The following RAP1A variants were observed in gnomAD, a reference collection of about 807,000 sequenced individuals.
RAP1A encodes the protein ras-related protein Rap-1A.
A neutral mutation model predicts 26.4 loss-of-function variants in RAP1A; 6 were observed. That is an observed-to-expected ratio of 0.23 (90% CI 0.12 to 0.45). The LOEUF (loss-of-function observed/expected upper bound fraction) is 0.45, where lower values mean the gene tolerates loss of function less well. Among genes scored for constraint, RAP1A ranks in the 20% least tolerant of loss-of-function variants. RAP1A has a pLI of 0.99. For missense variants in RAP1A, 121 were observed against 217.2 expected (o/e 0.56, Z 2.78); for synonymous variants, 73 against 79.4 (o/e 0.92, Z 0.43).
intron 1 of RAP1A, among the ~76,000 whole-genome samples, chr1:111,641,136 T>G (rs1299005673): frequency 2.0e-5 from 3 of 152,258 alleles, no homozygotes. Context: ...TATGTACATA[T>G]ATGCATATAT....
At chr1:111,670,518 G>A (rs1039918912) in intron 1 of RAP1A, among the ~76,000 whole-genome samples, 2 of 151,962 alleles carry the variant, frequency 1.3e-5, no homozygotes, top group African/African-American at 4.8e-5. Flanking sequence ...AATTATTGAG[G>A]CAGGTATCCA....
chr1:111,712,325 A>G (rs1571581303), intron 7 of RAP1A, 106 bp from the exon 8 acceptor site: 1 of 152,394 alleles, frequency 6.6e-6, no homozygotes, highest in South Asian at 2.1e-4. Flanking sequence ...ATGATCAGCT[A>G]AAATCATTAT....
chr1:111,542,317 TA>T, exon 1 of RAP1A: 1 of 495,046 alleles, frequency 2.0e-6, no homozygotes, highest in Non-Finnish European at 4.0e-6. Flanking sequence ...GCAAAGAAGT[TA>T]AAAGAGAAGT....
At chr1:111,606,957 A>C (rs1658796861) in intron 1 of RAP1A, among the ~76,000 whole-genome samples, 1 of 152,224 alleles carries the variant, frequency 6.6e-6, no homozygotes, top group African/African-American at 2.4e-5. Context: ...ATTAGAGAAC[A>C]GTGAGGCCTT....
chr1:111,695,277 G>A, intron 2 of RAP1A, 64 bp from the exon 3 acceptor site: 1 of 1,207,952 alleles, frequency 8.3e-7, no homozygotes, highest in Non-Finnish European at 1.1e-6. Flanking sequence ...TAATTTGTAG[G>A]TTAAGTAACA....
At chr1:111,640,979 C>G (rs1379157626) in intron 1 of RAP1A, among the ~76,000 whole-genome samples, 3 of 151,968 alleles carry the variant, frequency 2.0e-5, no homozygotes, top group Non-Finnish European at 2.9e-5. Flanking sequence ...ACAAAAAACA[C>G]CACTATTTTT....
chr1:111,577,401 CAAAAAAA>C (rs56156855), intron 1 of RAP1A, among the ~76,000 whole-genome samples: 25 of 29,058 alleles, frequency 8.6e-4, no homozygotes, highest in South Asian at 7.5e-3. Flanking sequence ...GACTCCATCG[CAAAAAAA>C]AAAAAAAAAA....
At position 111,710,426 on chromosome 1, in the gene RAP1A, T is replaced by A. The variant is rs143060356; in HGVS notation, c.*29+1162T>A. 7.4e-3 allele frequency among the ~76,000 whole-genome samples: 1,127 copies of A among 152,374 alleles called. 4 individuals carry two copies. Among genetic ancestry groups the A allele is most frequent in the Middle Eastern group, 0.017 (5 of 294 alleles). On this transcript the variant is annotated intron_variant, in intron 7 of 7. Transcript: ENST00000369709. ...ATTTAAATCCCCTGAAGGTTTCTAC[T>A]TAATCAGTTCTATAAATAATACCAT...
intron 1 of RAP1A, among the ~76,000 whole-genome samples, chr1:111,571,899 T>G (rs549808193): frequency 6.6e-6 from 1 of 152,362 alleles, no homozygotes; most frequent in East Asian, 1.9e-4. Context: ...TTCGGGAGTT[T>G]TCCCAGATTT....
At chr1:111,651,602 G>A (rs758150317) in intron 1 of RAP1A, among the ~76,000 whole-genome samples, 6 of 150,924 alleles carry the variant, frequency 4.0e-5, no homozygotes, top group Non-Finnish European at 7.4e-5. Context: ...TTAGCCTCCC[G>A]AGTAGCTGGG....
intron 1 of RAP1A, among the ~76,000 whole-genome samples, chr1:111,632,504 G>A (rs993890894): frequency 2.7e-4 from 41 of 152,104 alleles, no homozygotes; most frequent in Non-Finnish European, 1.6e-4. Flanking sequence ...GGAAGTTGAC[G>A]TGCTAGACTG....
chr1:111,652,545 A>G (rs1660307863), intron 1 of RAP1A, among the ~76,000 whole-genome samples: 1 of 152,180 alleles, frequency 6.6e-6, no homozygotes, highest in African/African-American at 2.4e-5. Context: ...CACAAAGCAT[A>G]AAACATTTAC....
intron 4 of RAP1A, among the ~76,000 whole-genome samples, chr1:111,699,173 A>G (rs558989): frequency 0.13 from 20,008 of 151,076 alleles, 1,535 homozygotes; most frequent in East Asian, 0.21. Context: ...TCTCAAAATC[A>G]CTCCTTACAC....
At chr1:111,577,991 C>T (rs984531585) in intron 1 of RAP1A, among the ~76,000 whole-genome samples, 7 of 152,142 alleles carry the variant, frequency 4.6e-5, no homozygotes, top group African/African-American at 1.7e-4. Flanking sequence ...TAGAGGGAGA[C>T]AAGATGAGTC....
At chr1:111,682,504 C>T (rs572770070) in intron 1 of RAP1A, among the ~76,000 whole-genome samples, 1 of 113,766 alleles carries the variant, frequency 8.8e-6, no homozygotes, top group Admixed American at 9.0e-5. Context: ...AATGGAAAGC[C>T]AAAAAAAAAA....
chr1:111,693,263 A>G (rs1470788088), intron 2 of RAP1A, among the ~76,000 whole-genome samples: 1 of 152,208 alleles, frequency 6.6e-6, no homozygotes, highest in Non-Finnish European at 1.5e-5. Context: ...GTTGAAGATT[A>G]AATGAGAGCT....
intron 7 of RAP1A, 85 bp downstream of exon 7, chr1:111,709,349 G>T: frequency 1.5e-6 from 2 of 1,373,762 alleles, no homozygotes; most frequent in African/African-American, 1.5e-5. Context: ...CATTTCATCT[G>T]TTATGGTATT....
At chr1:111,619,680 C>G (rs1659103359), upstream of RAP1A, 2 of 391,798 alleles carry the variant, frequency 5.1e-6, no homozygotes, top group Admixed American at 4.4e-5. Flanking sequence ...TCCGGAACGC[C>G]GTGGGGAAGG....
At chr1:111,695,317 T>C in intron 2 of RAP1A, 24 bp from the exon 3 acceptor site, 1 of 1,519,870 alleles carries the variant, frequency 6.6e-7, no homozygotes, top group Non-Finnish European at 8.9e-7. Context: ...AATTTTTTAA[T>C]ATTTCTCTTT....
Sources: allele counts gnomAD v4.1 joint callset (sites outside exome capture counted in the v4.1 genomes callset), GRCh38; gene constraint gnomAD v4.1.1; transcripts MANE v1.5; gene names NCBI Gene and HGNC (gene_info 2026-07-23, HGNC 2026-07-21).